AP3B1: variants seen among roughly 807,000 people sequenced by gnomAD.
The protein encoded by AP3B1 is adaptor related protein complex 3 subunit beta 1, also known as AP-3 complex subunit beta-1.
A neutral mutation model predicts 132.5 loss-of-function variants in AP3B1; 61 were observed. That is an observed-to-expected ratio of 0.46 (90% CI 0.37 to 0.57). AP3B1 has a LOEUF of 0.57. AP3B1 is among the 20% of genes least tolerant of loss of function. The probability of loss-of-function intolerance (pLI) is 0.00; values close to 1 mark genes in which losing one functional copy is unlikely to be tolerated. For missense variants in AP3B1, 1,120 were observed against 1,289.4 expected (o/e 0.87, Z 2.01); for synonymous variants, 388 against 438.3 (o/e 0.89, Z 1.43).
intron 1 of AP3B1, among the ~76,000 whole-genome samples, chr5:78,289,198 G>A (rs1749406940): frequency 6.6e-6 from 1 of 152,154 alleles, no homozygotes; most frequent in Non-Finnish European, 1.5e-5. Context: ...AAAAGTAGTG[G>A]AGATAAAGTC....
intron 13 of AP3B1, among the ~76,000 whole-genome samples, chr5:78,161,848 T>C (rs534111982): frequency 6.6e-6 from 1 of 152,040 alleles, no homozygotes; most frequent in South Asian, 2.1e-4. Flanking sequence ...CTCTCAACAA[T>C]GTTACAGTTT....
chr5:78,141,130 A>C lies in AP3B1; in HGVS notation c.1650+13T>G. ...GTACGTATTAGATAGGTTGACTAACATTTGCCTCTCACCTGTTTGGAGTTG... is the reference window on the plus strand; with the variant it reads ...GTACGTATTAGATAGGTTGACTAACCTTTGCCTCTCACCTGTTTGGAGTTG... On this transcript the variant is annotated intron_variant, in intron 15 of 26. Coordinates refer to ENST00000255194, the MANE Select transcript of AP3B1 (RefSeq NM_003664.5). 6.2e-7 allele frequency: 1 copy of C among 1,612,328 alleles called. No individual in the cohort carries two copies. Among genetic ancestry groups the C allele is most frequent in the Non-Finnish European group, 8.5e-7 (1 of 1,178,522 alleles).
chr5:78,037,008 C>T (rs960764957), intron 23 of AP3B1, among the ~76,000 whole-genome samples: 27 of 152,012 alleles, frequency 1.8e-4, no homozygotes, highest in African/African-American at 6.5e-4. Context: ...AAATGCCAAC[C>T]AAATGAATGA....
chr5:78,292,484 A>T (rs958701136), intron 1 of AP3B1, among the ~76,000 whole-genome samples: 2 of 152,202 alleles, frequency 1.3e-5, no homozygotes, highest in African/African-American at 4.8e-5. Context: ...TTTTGAGAGA[A>T]TGGGCTCTAA....
chr5:78,131,795 A>G (rs1398848676), intron 15 of AP3B1, among the ~76,000 whole-genome samples: 1 of 152,118 alleles, frequency 6.6e-6, no homozygotes, highest in African/African-American at 2.4e-5. Context: ...GAAAACTTTC[A>G]AAGTCTTTCT....
chr5:78,215,997 T>C, intron 7 of AP3B1, 58 bp downstream of exon 7: 1 of 1,585,570 alleles, frequency 6.3e-7, no homozygotes, highest in East Asian at 2.2e-5. Context: ...GCCCAAGTTT[T>C]AAAAAGCTCA....
chr5:78,051,256 A>G (rs1419127151), intron 22 of AP3B1, among the ~76,000 whole-genome samples: 1 of 152,152 alleles, frequency 6.6e-6, no homozygotes, highest in Admixed American at 6.5e-5. Context: ...TTTAGAGAGG[A>G]GAAAAGCTTC....
intron 21 of AP3B1, among the ~76,000 whole-genome samples, chr5:78,091,833 G>T (rs1382963624): frequency 6.6e-6 from 1 of 152,180 alleles, no homozygotes. Flanking sequence ...ACAGACTGAA[G>T]GCAGGGTTGG....
At chr5:78,224,409 C>T (rs113179596) in intron 6 of AP3B1, among the ~76,000 whole-genome samples, 19 of 151,960 alleles carry the variant, frequency 1.3e-4, no homozygotes, top group African/African-American at 4.6e-4. Flanking sequence ...AGAACATATT[C>T]ACTTAATCTA....
At chr5:78,243,653 T>C (rs1747241567) in intron 2 of AP3B1, among the ~76,000 whole-genome samples, 1 of 152,056 alleles carries the variant, frequency 6.6e-6, no homozygotes, top group Non-Finnish European at 1.5e-5. Context: ...CTCTTTTAGA[T>C]AAGGTGGTCA....
chr5:78,272,182 C>A (rs1296068090), intron 1 of AP3B1, among the ~76,000 whole-genome samples: 4 of 152,172 alleles, frequency 2.6e-5, no homozygotes, highest in Non-Finnish European at 1.5e-5. Context: ...ATCAGAAAAT[C>A]TTTAAATCCA....
intron 22 of AP3B1, among the ~76,000 whole-genome samples, chr5:78,081,102 T>TA (rs1749980343): frequency 2.6e-5 from 4 of 152,244 alleles, no homozygotes; most frequent in Admixed American, 2.6e-4. Flanking sequence ...TTGGGAGCAT[T>TA]ATCCAATAAC....
intron 20 of AP3B1, chr5:78,101,373 C>T: frequency 2.2e-6 from 1 of 445,898 alleles, no homozygotes; most frequent in Admixed American, 2.6e-5. Context: ...TTGAAAATAA[C>T]TTTTAAACAG....
chr5:78,159,271 G>A (rs1010859689), intron 13 of AP3B1, among the ~76,000 whole-genome samples: 2 of 152,150 alleles, frequency 1.3e-5, no homozygotes, highest in Non-Finnish European at 2.9e-5. Context: ...CGCAGGATTG[G>A]CTACAGTTGA....
intron 3 of AP3B1, among the ~76,000 whole-genome samples, chr5:78,232,898 G>C (rs372860183): frequency 1.3e-5 from 2 of 152,060 alleles, no homozygotes; most frequent in Admixed American, 1.3e-4. Flanking sequence ...GTAGAGACAG[G>C]GTTTTGCCAT....
At chr5:78,149,952 A>G (rs1753575537) in intron 14 of AP3B1, among the ~76,000 whole-genome samples, 1 of 151,624 alleles carries the variant, frequency 6.6e-6, no homozygotes, top group Non-Finnish European at 1.5e-5. Flanking sequence ...TAGCTTTAAG[A>G]TAAATGTGTA....
intron 1 of AP3B1, among the ~76,000 whole-genome samples, chr5:78,271,394 C>A (rs1010572533): frequency 1.3e-5 from 2 of 152,136 alleles, no homozygotes; most frequent in African/African-American, 4.8e-5. Flanking sequence ...GCACTCCAGC[C>A]TGGGCAACAA....
At chr5:78,047,978 C>A (rs1160109912) in intron 22 of AP3B1, among the ~76,000 whole-genome samples, 2 of 152,156 alleles carry the variant, frequency 1.3e-5, no homozygotes, top group Non-Finnish European at 2.9e-5. Flanking sequence ...CTTAGACCAC[C>A]ATATACATCT....
chr5:78,019,732 T>C (rs1002751083), intron 25 of AP3B1, among the ~76,000 whole-genome samples: 6 of 152,160 alleles, frequency 3.9e-5, no homozygotes, highest in Admixed American at 6.6e-5. Flanking sequence ...ACATTGTGAA[T>C]TGCAAAGGCT....
Sources: gnomAD v4.1 joint callset for allele counts (sites outside exome capture counted in the v4.1 genomes callset) on GRCh38, gnomAD v4.1.1 for gene constraint, MANE v1.5 for transcripts, NCBI Gene and HGNC (gene_info 2026-07-23, HGNC 2026-07-21) for gene names.